The following ANKRD13B variants were observed in gnomAD, a reference collection of about 807,000 sequenced individuals.
The protein encoded by ANKRD13B is ankyrin repeat domain-containing protein 13B.
In ANKRD13B, 33 loss-of-function variants were observed where a neutral mutation model predicts 74.4. The observed-to-expected ratio is 0.44, with a 90% CI of 0.34 to 0.59. ANKRD13B has a LOEUF of 0.59. ANKRD13B is among the 20% of genes least tolerant of loss of function. The pLI is 0.02. For missense variants in ANKRD13B, 676 were observed against 877.9 expected (o/e 0.77, Z 2.91); for synonymous variants, 341 against 362.9 (o/e 0.94, Z 0.68).
rs749743386 is a variant in ANKRD13B at position 29,608,041 on chromosome 17, G to A, written c.306G>A (p.Arg102=). The change falls in exon 3 of 15, where the codon CGG becomes CGA. Residue 102 remains arginine (R), a synonymous_variant. Coordinates refer to ENST00000394859, the MANE Select transcript of ANKRD13B (RefSeq NM_152345.5). The surrounding 1 kb of genome is among the most constrained non-coding windows in gnomAD (Gnocchi z 6.4). ...RDLELVQLVL[R]YRDYQRVVKR... ...TGGAGCTGGTGCAGCTGGTGCTTCG[G>A]TACCGGGACTACCAGCGGGTGGTGA... is the stretch of plus-strand genomic sequence containing the variant. The A allele has an allele frequency of 3.0e-5, 49 of 1,613,160 alleles. No individual in the cohort carries two copies. The highest frequency in any genetic ancestry group is 4.2e-5 in the Non-Finnish European group (49 of 1,179,646).
Position 29,607,858 on chromosome 17 carries a change from G to C in ANKRD13B, c.231G>C (p.Glu77Asp). Reference sequence around the variant, plus strand: ...CGCACGGCGCAGACGTGGGCAGGGAGAATCGCAGCGGCTGGACAGGTGGGC... The same window carrying C: ...CGCACGGCGCAGACGTGGGCAGGGACAATCGCAGCGGCTGGACAGGTGGGC... ...LLAHGADVGRENRSGWTVLQE... is the reference protein window; with the variant it reads ...LLAHGADVGRDNRSGWTVLQE... The change falls in exon 2 of 15, where the codon GAG becomes GAC. Residue 77 changes from glutamate (E) to aspartate (D), a missense_variant. Coordinates refer to ENST00000394859, the MANE Select transcript of ANKRD13B (RefSeq NM_152345.5). 1 of 1,601,558 alleles carries C rather than the reference G, an allele frequency of 6.2e-7. No homozygotes were observed.
At chr17:29,600,830 C>T (rs982378064) in intron 1 of ANKRD13B, among the ~76,000 whole-genome samples, 2 of 152,184 alleles carry the variant, frequency 1.3e-5, no homozygotes, top group Non-Finnish European at 2.9e-5. Context: ...TGTGAGGCCC[C>T]AGCCACTTTC....
Position 29,612,343 on chromosome 17 carries a change from G to A in ANKRD13B, c.1259-59G>A. The A allele has an allele frequency of 5.0e-6, 8 of 1,610,580 alleles. No homozygotes were observed. The highest frequency in any genetic ancestry group is 6.8e-6 in the Non-Finnish European group (8 of 1,177,814). On this transcript the variant is annotated intron_variant, in intron 11 of 14. Coordinates refer to ENST00000394859, the MANE Select transcript of ANKRD13B (RefSeq NM_152345.5). The surrounding 1 kb of genome is among the most constrained non-coding windows in gnomAD (Gnocchi z 6.1). ...CGGGGTTTAGATGAGGTCGGGGTGG[G>A]GCTGAGGCTGAGGTGTGAGGGGCTG...
chr17:29,598,432 T>C (rs1426278995), intron 1 of ANKRD13B, among the ~76,000 whole-genome samples: 1 of 152,024 alleles, frequency 6.6e-6, no homozygotes, highest in African/African-American at 2.4e-5. Flanking sequence ...CTGGACTCCT[T>C]TTGTCATTTA....
rs567033842 is a variant in ANKRD13B, at chr17:29,606,982, G to A, written c.115-760G>A. On this transcript the variant is annotated intron_variant, in intron 1 of 14. Transcript: ENST00000394859. ...GGAGAATCGCTTGAACCTGGGAGAC[G>A]GAGGTTACAGCGAGCTGATATCACG... is the stretch of plus-strand genomic sequence containing the variant. 7.2e-5 allele frequency among the ~76,000 whole-genome samples: 11 copies of A among 152,030 alleles called. No individual in the cohort carries two copies. The East Asian group carries it at 1.4e-3, about 19-fold the overall frequency.
At chr17:29,598,959 C>T (rs1373478306) in intron 1 of ANKRD13B, among the ~76,000 whole-genome samples, 1 of 152,182 alleles carries the variant, frequency 6.6e-6, no homozygotes, top group Non-Finnish European at 1.5e-5. Flanking sequence ...CAGGTGCTGC[C>T]TGGGGAGTGG....
intron 1 of ANKRD13B, among the ~76,000 whole-genome samples, chr17:29,606,548 ACT>A (rs2034382737): frequency 6.6e-6 from 1 of 151,662 alleles, no homozygotes; most frequent in Non-Finnish European, 1.5e-5. Context: ...ACACAGTGAG[ACT>A]CTGTCTCAAA....
At chr17:29,613,256 G>A (rs1051600410) in intron 14 of ANKRD13B, 98 bp from the exon 15 acceptor site, 2 of 1,392,084 alleles carry the variant, frequency 1.4e-6, no homozygotes, top group South Asian at 3.2e-5. Flanking sequence ...CTAGAGGGTG[G>A]TGGCCGCGGG....
rs887099828 is a variant in ANKRD13B at position 29,609,476 on chromosome 17, T to C, written c.822+55T>C. On this transcript the variant is annotated intron_variant, in intron 7 of 14. Coordinates refer to ENST00000394859, the MANE Select transcript of ANKRD13B (RefSeq NM_152345.5). The surrounding 1 kb of genome is among the most constrained non-coding windows in gnomAD (Gnocchi z 4.0). ...AGCTGCACTCTTGCCTACAGCAAGCTGTACAGGGGATTCTGACCTCCCTTC... is the reference window on the plus strand; with the variant it reads ...AGCTGCACTCTTGCCTACAGCAAGCCGTACAGGGGATTCTGACCTCCCTTC... The C allele has an allele frequency of 3.3e-5, 52 of 1,592,196 alleles. No homozygotes were observed. In the East Asian group the frequency reaches 1.0e-3, roughly 32 times the overall value.
chr17:29,595,580 C>T (rs779130013), intron 1 of ANKRD13B, among the ~76,000 whole-genome samples: 6 of 151,998 alleles, frequency 3.9e-5, no homozygotes, highest in Admixed American at 6.6e-5. Context: ...TGGGGGGCAC[C>T]GGAGCCGCTG....
At chr17:29,606,876 C>T (rs1383854326) in intron 1 of ANKRD13B, among the ~76,000 whole-genome samples, 1 of 151,572 alleles carries the variant, frequency 6.6e-6, no homozygotes, top group Non-Finnish European at 1.5e-5. Flanking sequence ...TGGTGAAAAC[C>T]CATCTCTACT....
chr17:29,600,711 C>T (rs749011112), intron 1 of ANKRD13B, among the ~76,000 whole-genome samples: 1 of 151,896 alleles, frequency 6.6e-6, no homozygotes, highest in Non-Finnish European at 1.5e-5. Flanking sequence ...GCCTGCAGGT[C>T]CTACCTACAC....
intron 1 of ANKRD13B, among the ~76,000 whole-genome samples, chr17:29,601,282 TGC>T (rs2034169124): frequency 1.4e-5 from 2 of 147,966 alleles, no homozygotes; most frequent in Non-Finnish European, 3.0e-5. Flanking sequence ...AGTGCAGTGG[TGC>T]GATCTCTGTT....
rs1403716961 is a variant in ANKRD13B at position 29,613,573 on chromosome 17, C to T, written c.1872C>T (p.Thr624=). The T allele has an allele frequency of 6.9e-7, 1 of 1,459,622 alleles. No individual in the cohort carries two copies. Among genetic ancestry groups the T allele is most frequent in the Non-Finnish European group, 9.1e-7 (1 of 1,103,122 alleles). 90.4% of individuals were successfully genotyped at this position (1,459,622 alleles called of 1,614,324 possible). A position where few individuals can be genotyped will look rare whatever the true frequency, so the allele number is the denominator to read the frequency against. Residue 624 remains threonine (T), a synonymous_variant, in exon 15 of 15, where the codon ACC becomes ACT. Transcript: ENST00000394859. ...ELERILRLSL[T]EQ is the part of the protein sequence containing the mutation. ...AGCGCATCCTGAGGCTCTCACTGAC[C>T]GAGCAGTAGCGCCCCCTGCCGGGAC... is the stretch of plus-strand genomic sequence containing the variant.
chr17:29,607,006 C>T (rs893870691), intron 1 of ANKRD13B, among the ~76,000 whole-genome samples: 10 of 151,876 alleles, frequency 6.6e-5, no homozygotes, highest in African/African-American at 1.2e-4. Context: ...GCTGATATCA[C>T]GTCATTGTAC....
intron 1 of ANKRD13B, among the ~76,000 whole-genome samples, chr17:29,605,385 T>C (rs2034330298): frequency 6.6e-6 from 1 of 151,496 alleles, no homozygotes; most frequent in Non-Finnish European, 1.5e-5. Flanking sequence ...ATATTTTCTA[T>C]ATAGAGAAAT....
At chr17:29,610,350 C>A (rs2034539664) in intron 7 of ANKRD13B, among the ~76,000 whole-genome samples, 1 of 152,126 alleles carries the variant, frequency 6.6e-6, no homozygotes, top group Non-Finnish European at 1.5e-5. Flanking sequence ...TGTGCTACCC[C>A]CACCAGTGCA....
chr17:29,612,564 C>A lies in ANKRD13B; in HGVS notation c.1411+10C>A, dbSNP rs2034623150. ...AGCTCCAGCTCCACGAGTGAGGCCC[C>A]CCGCGAGAACGCCTGCCCCTCGGCT... On this transcript the variant is annotated intron_variant, in intron 12 of 14. Coordinates refer to ENST00000394859, the MANE Select transcript of ANKRD13B (RefSeq NM_152345.5). This position sits in a 1 kb window ranked among gnomAD's most constrained non-coding sequence, Gnocchi z 6.1. 1 of 1,546,208 alleles carries A rather than the reference C, an allele frequency of 6.5e-7. No homozygotes were observed. Among genetic ancestry groups the A allele is most frequent in the African/African-American group, 1.4e-5 (1 of 73,092 alleles).
In ANKRD13B at chr17:29,611,001, T is replaced by C. The variant is rs2034562936; in HGVS notation, c.904+235T>C. Among the ~76,000 whole-genome samples the C allele has an allele frequency of 1.3e-5, 2 of 152,194 alleles. No homozygotes were observed. Among genetic ancestry groups the C allele is most frequent in the African/African-American group, 4.8e-5 (2 of 41,442 alleles). The stretch of plus-strand genomic sequence containing the variant: ...CAGTGGAGAGCCATGCTGCAAGTGA[T>C]TACTAATGTTGCTGTTGAATTTGGG... On this transcript the variant is annotated intron_variant, in intron 8 of 14. Transcript: ENST00000394859. This position sits in a 1 kb window ranked among gnomAD's most constrained non-coding sequence, Gnocchi z 4.3.
Sources: gnomAD v4.1 joint callset for allele counts (sites outside exome capture counted in the v4.1 genomes callset) on GRCh38, gnomAD v4.1.1 for gene constraint, Gnocchi (gnomAD v3.1) non-coding constraint, MANE v1.5 for transcripts, NCBI Gene and HGNC (gene_info 2026-07-23, HGNC 2026-07-21) for gene names.